Variants in ADAM32 observed in about 807,000 individuals in gnomAD.
ADAM32 encodes the protein ADAM metallopeptidase domain 32.
In ADAM32, 89 loss-of-function variants were observed where a neutral mutation model predicts 114.9. The observed-to-expected ratio is 0.77, with a 90% CI of 0.65 to 0.92. The LOEUF (loss-of-function observed/expected upper bound fraction) is 0.92, where lower values mean the gene tolerates loss of function less well. Among genes scored for constraint, ADAM32 ranks in the 40% least tolerant of loss-of-function variants. The pLI is 0.00. For missense variants in ADAM32, 870 were observed against 932.8 expected (o/e 0.93, Z 0.88); for synonymous variants, 285 against 307.5 (o/e 0.93, Z 0.77).
chr8:39,236,033 G>T (rs1033666895), intron 16 of ADAM32, among the ~76,000 whole-genome samples: 14 of 152,044 alleles, frequency 9.2e-5, no homozygotes, highest in Non-Finnish European at 1.6e-4. Context: ...TATTGTACTC[G>T]TGTAAAAACT....
intron 3 of ADAM32, among the ~76,000 whole-genome samples, chr8:39,144,234 G>A (rs527715169): frequency 1.3e-5 from 2 of 152,178 alleles, no homozygotes; most frequent in African/African-American, 2.4e-5. Flanking sequence ...TGTACCCACT[G>A]TTGATCCAGT....
intron 1 of ADAM32, chr8:39,108,171 G>C (rs1398923892): frequency 4.9e-6 from 1 of 203,076 alleles, no homozygotes. Context: ...TGTGATCCCA[G>C]CTACCCGGGA....
rs746234055 is a variant in ADAM32 at position 39,270,882 on chromosome 8, A to G, written c.2169A>G (p.Lys723=). 3.9e-5 allele frequency: 63 copies of G among 1,610,256 alleles called. No homozygotes were observed. The highest frequency in any genetic ancestry group is 5.3e-5 in the Non-Finnish European group (62 of 1,178,020). The change falls in exon 20 of 25, where the codon AAA becomes AAG. Residue 723 remains lysine (K), a synonymous_variant. Transcript: ENST00000379907. ...ATTTTCAATTTCTTTTTAGATCTAA[A>G]TCGGAAGGTAGCACACAGACATATG... ...KEEEFPSSES[K]SEGSTQTYAS...
chr8:39,240,008 G>A (rs150071709), intron 16 of ADAM32, among the ~76,000 whole-genome samples: 58 of 152,178 alleles, frequency 3.8e-4, no homozygotes, highest in African/African-American at 1.3e-3. Flanking sequence ...TGACAGCACC[G>A]GACAGGTCAT....
At chr8:39,274,253 A>C in intron 20 of ADAM32, 59 bp from the exon 21 acceptor site, 4 of 1,531,064 alleles carry the variant, frequency 2.6e-6, no homozygotes, top group Non-Finnish European at 3.6e-6. Context: ...ATTTTCATTC[A>C]TGAAGTTGGC....
intron 20 of ADAM32, among the ~76,000 whole-genome samples, chr8:39,273,081 T>TGGAG (rs1812834933): frequency 1.3e-5 from 2 of 152,308 alleles, no homozygotes; most frequent in Non-Finnish European, 1.5e-5. Context: ...ATGACATACC[T>TGGAG]GGAGCTGTCA....
intron 22 of ADAM32, among the ~76,000 whole-genome samples, chr8:39,278,582 T>A (rs548999577): frequency 3.3e-5 from 5 of 152,054 alleles, no homozygotes; most frequent in African/African-American, 1.2e-4. Flanking sequence ...CCCATATTAT[T>A]GTCATTTGGC....
intron 10 of ADAM32, among the ~76,000 whole-genome samples, chr8:39,174,643 G>T (rs995380069): frequency 6.8e-6 from 1 of 147,848 alleles, no homozygotes; most frequent in African/African-American, 2.5e-5. Flanking sequence ...ATATCTCCCA[G>T]TGCTATCCCT....
In ADAM32 at chr8:39,154,204, G is replaced by A. The variant is rs185314261; in HGVS notation, c.525+2656G>A. Among the ~76,000 whole-genome samples, 564 of 149,792 alleles carry A rather than the reference G, an allele frequency of 3.8e-3. 2 individuals carry two copies. The highest frequency in any genetic ancestry group is 0.024 in the Middle Eastern group (7 of 292). On this transcript the variant is annotated intron_variant, in intron 6 of 24. Coordinates refer to ENST00000379907, the MANE Select transcript of ADAM32 (RefSeq NM_145004.7). ...TCCCTCCCCTACCCCCCATCTCCCCGACAGGCCCCAGTGTGTGATGTTCCC... is the reference window on the plus strand; with the variant it reads ...TCCCTCCCCTACCCCCCATCTCCCCAACAGGCCCCAGTGTGTGATGTTCCC...
At chr8:39,269,376 C>A (rs1225215098) in intron 19 of ADAM32, among the ~76,000 whole-genome samples, 1 of 152,192 alleles carries the variant, frequency 6.6e-6, no homozygotes, top group Non-Finnish European at 1.5e-5. Context: ...TACATTTTGT[C>A]TGTATTTTTA....
chr8:39,157,582 C>T, intron 6 of ADAM32: 2 of 537,662 alleles, frequency 3.7e-6, no homozygotes, highest in South Asian at 1.5e-5. Flanking sequence ...TTGAGTGGTC[C>T]CATGAATGCT....
intron 2 of ADAM32, among the ~76,000 whole-genome samples, chr8:39,131,765 C>T (rs1802471517): frequency 6.6e-6 from 1 of 152,064 alleles, no homozygotes; most frequent in African/African-American, 2.4e-5. Flanking sequence ...CCTATATTGT[C>T]TGATATTAGT....
chr8:39,232,145 A>G lies in ADAM32; in HGVS notation c.1634+10A>G. ...TGTTCTGTGGATGGAGGTATGCTCT[A>G]CAAATATAAATGATACTTTTCTTAT... On this transcript the variant is annotated intron_variant, in intron 15 of 24. Coordinates refer to ENST00000379907, the MANE Select transcript of ADAM32 (RefSeq NM_145004.7). 1 of 1,557,024 alleles carries G rather than the reference A, an allele frequency of 6.4e-7. No individual in the cohort carries two copies.
chr8:39,195,370 T>G (rs1354957783), intron 11 of ADAM32, among the ~76,000 whole-genome samples: 2 of 152,242 alleles, frequency 1.3e-5, no homozygotes, highest in African/African-American at 2.4e-5. Flanking sequence ...ATATTTTCTT[T>G]TATTCTACAG....
At chr8:39,150,084 A>G (rs1803733703) in intron 5 of ADAM32, among the ~76,000 whole-genome samples, 1 of 152,136 alleles carries the variant, frequency 6.6e-6, no homozygotes, top group Admixed American at 6.5e-5. Flanking sequence ...TAGATTTCCT[A>G]GTCTCCTTGC....
chr8:39,234,045 T>C lies in ADAM32; in HGVS notation c.1781T>C (p.Leu594Pro), dbSNP rs1202354217. The change falls in exon 16 of 25, where the codon CTG (leucine) becomes CCG (proline). Residue 594 changes from leucine (L) to proline (P), a missense_variant. Coordinates refer to ENST00000379907, the MANE Select transcript of ADAM32 (RefSeq NM_145004.7). ...YKLPRTVPDP[L>P]AVKNGSQCDI... ...TTGCCTCGAACAGTTCCAGATCCAC[T>C]GGCTGTCAAAAATGGCTCTCAGTGT... 6.7e-7 allele frequency: 1 copy of C among 1,498,560 alleles called. No individual in the cohort carries two copies. The highest frequency in any genetic ancestry group is 2.2e-5 in the Admixed American group (1 of 46,434). The allele number at this position is 1,498,560 out of a possible 1,614,324, so 92.8% of individuals were successfully genotyped here.
intron 22 of ADAM32, among the ~76,000 whole-genome samples, chr8:39,277,801 A>ACTATTT (rs1377561345): frequency 2.0e-5 from 3 of 152,240 alleles, no homozygotes; most frequent in African/African-American, 7.2e-5. Flanking sequence ...GTATCCAGGC[A>ACTATTT]GGGTGCCTGT....
intron 18 of ADAM32, among the ~76,000 whole-genome samples, chr8:39,256,013 T>C (rs1372099110): frequency 6.6e-6 from 1 of 152,004 alleles, no homozygotes; most frequent in Non-Finnish European, 1.5e-5. Context: ...TTTTGTTTGC[T>C]TTGTTGAAGA....
At chr8:39,126,048 T>A (rs1802096694) in intron 2 of ADAM32, among the ~76,000 whole-genome samples, 1 of 152,204 alleles carries the variant, frequency 6.6e-6, no homozygotes, top group Non-Finnish European at 1.5e-5. Context: ...AGTAACATGC[T>A]GTTTTGGTTA....
Sources: allele counts gnomAD v4.1 joint callset (sites outside exome capture counted in the v4.1 genomes callset), GRCh38; gene constraint gnomAD v4.1.1; transcripts MANE v1.5; gene names NCBI Gene and HGNC (gene_info 2026-07-23, HGNC 2026-07-21).